GPR158: variants seen among roughly 807,000 people sequenced by gnomAD.
The protein encoded by GPR158 is G protein-coupled receptor 158.
Under a neutral mutation model 78.2 loss-of-function variants are expected in GPR158, and 30 were observed. That is an observed-to-expected ratio of 0.38 (90% confidence interval 0.29 to 0.52). GPR158 has a LOEUF of 0.52. Among genes scored for constraint, GPR158 ranks in the 20% least tolerant of loss-of-function variants. The pLI is 0.83. For synonymous variants in GPR158, 581 were observed against 591.1 expected (o/e 0.98, Z 0.25); for missense variants, 1,463 against 1,523.5 (o/e 0.96, Z 0.66).
At chr10:25,303,746 A>G (rs1157248033) in intron 2 of GPR158, among the ~76,000 whole-genome samples, 1 of 152,230 alleles carries the variant, frequency 6.6e-6, no homozygotes, top group East Asian at 1.9e-4. Flanking sequence ...TATTTTGTTT[A>G]TTAACCTAGA....
chr10:25,405,975 A>G (rs1256197796), intron 3 of GPR158, among the ~76,000 whole-genome samples: 1 of 152,064 alleles, frequency 6.6e-6, no homozygotes, highest in African/African-American at 2.4e-5. Flanking sequence ...TTCAAATTCT[A>G]TTCTATATGA....
At chr10:25,201,620 G>A (rs998116967) in intron 1 of GPR158, among the ~76,000 whole-genome samples, 10 of 151,946 alleles carry the variant, frequency 6.6e-5, no homozygotes, top group African/African-American at 2.4e-4. Context: ...TATGTCGGCT[G>A]TGTCATACAT....
chr10:25,524,321 C>G (rs771324045), intron 5 of GPR158, among the ~76,000 whole-genome samples: 2 of 152,060 alleles, frequency 1.3e-5, no homozygotes, highest in Non-Finnish European at 2.9e-5. Flanking sequence ...GCAAGGGGCC[C>G]AGAATATCTA....
At position 25,381,746 on chromosome 10, in the gene GPR158, A is replaced by T. The variant is rs1834157750; in HGVS notation, c.1009-14165A>T. Among the ~76,000 whole-genome samples the T allele has an allele frequency of 2.0e-5, 3 of 152,186 alleles. No individual in the cohort carries two copies. The South Asian group carries it at 6.2e-4, about 32-fold the overall frequency. On this transcript the variant is annotated intron_variant, in intron 2 of 10. Transcript: ENST00000376351. ...TTTTTAATTCATCTTGAATTCAAAG[A>T]TATTATTCATATTAACTTATTTTGT...
At chr10:25,256,168 C>T (rs552758601) in intron 2 of GPR158, among the ~76,000 whole-genome samples, 177 of 148,468 alleles carry the variant, frequency 1.2e-3, no homozygotes, top group South Asian at 2.8e-3. Context: ...TTAGTACTTT[C>T]GACTGAAAAA....
intron 5 of GPR158, among the ~76,000 whole-genome samples, chr10:25,499,665 T>A (rs7094805): frequency 0.11 from 16,771 of 152,088 alleles, 2,690 homozygotes; most frequent in African/African-American, 0.35. Flanking sequence ...GAGAGGGGTG[T>A]TGGGTTGAGG....
At chr10:25,429,313 T>C (rs1300866235) in intron 4 of GPR158, among the ~76,000 whole-genome samples, 1 of 152,108 alleles carries the variant, frequency 6.6e-6, no homozygotes, top group African/African-American at 2.4e-5. Context: ...ATGGTATATG[T>C]CACTAAAATG....
chr10:25,254,855 G>A (rs1207815298), intron 2 of GPR158, among the ~76,000 whole-genome samples: 1 of 152,112 alleles, frequency 6.6e-6, no homozygotes, highest in Non-Finnish European at 1.5e-5. Context: ...CTAATGACTA[G>A]ACACATTCTA....
At chr10:25,251,723 C>T (rs1588758958) in intron 2 of GPR158, among the ~76,000 whole-genome samples, 1 of 151,602 alleles carries the variant, frequency 6.6e-6, no homozygotes, top group African/African-American at 2.4e-5. Flanking sequence ...GTAACCCGAC[C>T]TTTCTCTCTG....
At chr10:25,379,228 C>G (rs897983896) in intron 2 of GPR158, among the ~76,000 whole-genome samples, 1 of 152,144 alleles carries the variant, frequency 6.6e-6, no homozygotes, top group Non-Finnish European at 1.5e-5. Context: ...TATTCATTCC[C>G]TCCTGTATCT....
At chr10:25,242,156 C>T (rs535403090) in intron 2 of GPR158, among the ~76,000 whole-genome samples, 22 of 152,296 alleles carry the variant, frequency 1.4e-4, no homozygotes, top group South Asian at 1.0e-3. Flanking sequence ...CTTTTAATAG[C>T]ATAAAATGAC....
chr10:25,183,294 C>T (rs1419346417), intron 1 of GPR158, among the ~76,000 whole-genome samples: 4 of 152,170 alleles, frequency 2.6e-5, no homozygotes, highest in South Asian at 2.1e-4. Flanking sequence ...TGCCCCTCCA[C>T]ACCCTCCTCT....
At chr10:25,342,404 T>G (rs532707131) in intron 2 of GPR158, among the ~76,000 whole-genome samples, 1 of 152,116 alleles carries the variant, frequency 6.6e-6, no homozygotes, top group African/African-American at 2.4e-5. Flanking sequence ...CCTGTTTTTC[T>G]TATTCTTTAA....
At chr10:25,496,587 A>G (rs2130653157) in intron 5 of GPR158, among the ~76,000 whole-genome samples, 1 of 152,334 alleles carries the variant, frequency 6.6e-6, no homozygotes, top group South Asian at 2.1e-4. Context: ...TGGAAGAATT[A>G]GGAGGCATTT....
chr10:25,463,455 G>T (rs1422574195), intron 4 of GPR158, among the ~76,000 whole-genome samples: 1 of 151,752 alleles, frequency 6.6e-6, no homozygotes, highest in Non-Finnish European at 1.5e-5. Flanking sequence ...ATATAGATGA[G>T]GTATGCCTGG....
At chr10:25,273,552 A>C (rs1854144985) in intron 2 of GPR158, among the ~76,000 whole-genome samples, 2 of 152,212 alleles carry the variant, frequency 1.3e-5, no homozygotes, top group African/African-American at 4.8e-5. Flanking sequence ...CAACTAATGT[A>C]CTGCCAGAAG....
chr10:25,316,597 T>G (rs1854853266), intron 2 of GPR158, among the ~76,000 whole-genome samples: 1 of 152,224 alleles, frequency 6.6e-6, no homozygotes, highest in South Asian at 2.1e-4. Flanking sequence ...TTTGCTTTTT[T>G]AAAATCACAA....
intron 2 of GPR158, among the ~76,000 whole-genome samples, chr10:25,375,426 T>A (rs754160817): frequency 6.6e-6 from 1 of 150,798 alleles, no homozygotes; most frequent in Non-Finnish European, 1.5e-5. Flanking sequence ...ATGTCAAGTC[T>A]AAAAATGTTC....
At chr10:25,414,822 A>G (rs950074575) in intron 4 of GPR158, among the ~76,000 whole-genome samples, 1 of 152,132 alleles carries the variant, frequency 6.6e-6, no homozygotes, top group African/African-American at 2.4e-5. Context: ...ATTTACATGT[A>G]TTTTGACCAA....
Sources: gnomAD v4.1 joint callset for allele counts (sites outside exome capture counted in the v4.1 genomes callset) on GRCh38, gnomAD v4.1.1 for gene constraint, MANE v1.5 for transcripts, NCBI Gene and HGNC (gene_info 2026-07-23, HGNC 2026-07-21) for gene names.